Variants in COL24A1 observed in about 807,000 individuals in gnomAD.
The protein encoded by COL24A1 is collagen type XXIV alpha 1 chain, also known as collagen alpha-1(XXIV) chain.
Under a neutral mutation model 253.9 loss-of-function variants are expected in COL24A1, and 224 were observed. The ratio of observed to expected loss-of-function variants is 0.88; its 90% CI spans 0.79 to 0.99. The LOEUF is 0.99. Among genes scored for constraint, COL24A1 ranks in the 50% least tolerant of loss-of-function variants. COL24A1 has a pLI of 0.00. For synonymous variants in COL24A1, 685 were observed against 673.7 expected, an observed-to-expected ratio of 1.02 and a Z score of -0.26; for missense variants, 2,131 against 2,068.5, an observed-to-expected ratio of 1.03 and a Z score of -0.59.
chr1:85,730,776 A>G, intron 59 of COL24A1, 84 bp from the exon 60 acceptor site: 1 of 1,412,560 alleles, frequency 7.1e-7, no homozygotes, highest in African/African-American at 1.4e-5. Context: ...GATAATGTGA[A>G]CTTGTTTTAA....
chr1:86,033,812 G>A, intron 13 of COL24A1, 58 bp downstream of exon 13: 1 of 1,431,696 alleles, frequency 7.0e-7, no homozygotes, highest in Non-Finnish European at 9.7e-7. Flanking sequence ...TGTAAGTGCA[G>A]TGCTATGAAG....
rs11161746 is a variant in COL24A1, at chr1:86,125,265, A to G, written c.1071T>C (p.Ser357=). The change falls in exon 3 of 60, where the codon AGT becomes AGC. Residue 357 remains serine, a synonymous_variant. Transcript: ENST00000370571. ...FSLSVTTHRI[S]EAKMNTKEKF... is the part of the protein sequence containing the mutation. ...TCTCTTTGGTATTCATTTTTGCCTC[A>G]CTGATGCGATGAGTGGTCACTGACA... 0.15 allele frequency: 244,032 copies of G among 1,613,394 alleles called. 20,136 individuals carry two copies. The highest frequency in any genetic ancestry group is 0.24 in the South Asian group (21,717 of 91,054).
intron 38 of COL24A1, among the ~76,000 whole-genome samples, chr1:85,848,115 T>C (rs917747008): frequency 2.0e-5 from 3 of 152,184 alleles, no homozygotes; most frequent in Admixed American, 2.0e-4. Context: ...GGAAAGTCTG[T>C]TTCTATAGAG....
At position 86,026,006 on chromosome 1, in the gene COL24A1, T is replaced by C. The variant is rs183426069; in HGVS notation, c.2050-2999A>G. Among the ~76,000 whole-genome samples the C allele has an allele frequency of 3.6e-3, 545 of 152,324 alleles. 5 individuals are homozygous for C. The highest frequency in any genetic ancestry group is 0.012 in the African/African-American group (503 of 41,572). ...TACATTTAATCAATTATAGCAGTAA[T>C]CACAGTATATGACACTACTTATTTT... is the stretch of plus-strand genomic sequence containing the variant. On this transcript the variant is annotated intron_variant, in intron 14 of 59. Coordinates refer to ENST00000370571, the MANE Select transcript of COL24A1 (RefSeq NM_152890.7).
At chr1:86,156,190 C>T (rs535783248) in intron 1 of COL24A1, 151 bp downstream of exon 1, 2 of 629,036 alleles carry the variant, frequency 3.2e-6, no homozygotes, top group East Asian at 5.6e-5. Flanking sequence ...GCTGAGAAGA[C>T]AAGGGGAAGA....
intron 1 of COL24A1, 123 bp downstream of exon 1, chr1:86,156,218 C>A: frequency 1.3e-6 from 1 of 795,530 alleles, no homozygotes; most frequent in Non-Finnish European, 2.0e-6. Context: ...GGTACTCGGC[C>A]GCTCCTAAAG....
At chr1:85,828,049 C>G (rs1159022867) in intron 43 of COL24A1, among the ~76,000 whole-genome samples, 5 of 151,916 alleles carry the variant, frequency 3.3e-5, no homozygotes, top group Non-Finnish European at 7.4e-5. Flanking sequence ...GGTTTCTCTT[C>G]TGGGCATTTA....
At chr1:85,845,240 A>G (rs1036551143) in intron 39 of COL24A1, among the ~76,000 whole-genome samples, 12 of 151,900 alleles carry the variant, frequency 7.9e-5, no homozygotes, top group African/African-American at 2.7e-4. Context: ...GAATTTTCTT[A>G]TATTTACAAA....
intron 28 of COL24A1, among the ~76,000 whole-genome samples, chr1:85,903,103 T>G (rs904888216): frequency 3.9e-5 from 6 of 152,154 alleles, no homozygotes; most frequent in Non-Finnish European, 7.4e-5. Flanking sequence ...TACTTTTACT[T>G]TATTATTTCA....
intron 58 of COL24A1, chr1:85,736,345 G>A (rs751278756): frequency 3.7e-5 from 17 of 456,082 alleles, no homozygotes; most frequent in South Asian, 9.3e-5. Context: ...ACTAGAGTCC[G>A]CTTCCCCACT....
chr1:85,775,894 A>C (rs1668491863), intron 52 of COL24A1, among the ~76,000 whole-genome samples, 185 bp from the exon 53 acceptor site: 1 of 152,122 alleles, frequency 6.6e-6, no homozygotes, highest in South Asian at 2.1e-4. Flanking sequence ...CAAACAAAAA[A>C]CCCTTAGTGA....
At chr1:85,965,836 A>G (rs934839635) in intron 22 of COL24A1, among the ~76,000 whole-genome samples, 2 of 152,178 alleles carry the variant, frequency 1.3e-5, no homozygotes, top group African/African-American at 4.8e-5. Context: ...AGGAACCAGG[A>G]GAAGCTGAAG....
chr1:86,113,649 C>T (rs12565251), intron 4 of COL24A1, among the ~76,000 whole-genome samples: 4 of 151,464 alleles, frequency 2.6e-5, no homozygotes, highest in African/African-American at 7.3e-5. Flanking sequence ...GCCAGGGCAA[C>T]GCAGCAAGAC....
At chr1:85,875,228 G>T (rs372010756) in intron 34 of COL24A1, 49 bp downstream of exon 34, 16 of 1,497,462 alleles carry the variant, frequency 1.1e-5, no homozygotes, top group Admixed American at 5.0e-5. Flanking sequence ...AATGTAGGGG[G>T]TTCAATGGTG....
At chr1:85,873,260 C>A in intron 35 of COL24A1, among the ~76,000 whole-genome samples, 1 of 152,112 alleles carries the variant, frequency 6.6e-6, no homozygotes, top group Non-Finnish European at 1.5e-5. Context: ...CTAGTTCAAC[C>A]ATTGTGGAAG....
chr1:85,850,697 C>T (rs1244943506), intron 37 of COL24A1, among the ~76,000 whole-genome samples: 1 of 152,018 alleles, frequency 6.6e-6, no homozygotes, highest in African/African-American at 2.4e-5. Flanking sequence ...ACCTATACAG[C>T]CGTAGGTAGA....
chr1:85,897,331 T>G (rs1402202170), intron 28 of COL24A1, among the ~76,000 whole-genome samples: 2 of 151,824 alleles, frequency 1.3e-5, no homozygotes, highest in Non-Finnish European at 2.9e-5. Context: ...GGATGATCTG[T>G]GCAGCAAACC....
chr1:85,766,386 AAAAAGAAAG>A (rs1355211126), intron 53 of COL24A1, among the ~76,000 whole-genome samples: 1 of 93,878 alleles, frequency 1.1e-5, no homozygotes, highest in Non-Finnish European at 2.2e-5. Context: ...AAAAAAAAAA[AAAAAGAAAG>A]AAAGAAAGAA....
At chr1:85,957,101 A>G (rs1421741844) in intron 24 of COL24A1, among the ~76,000 whole-genome samples, 1 of 152,192 alleles carries the variant, frequency 6.6e-6, no homozygotes, top group Non-Finnish European at 1.5e-5. Flanking sequence ...CAGAAAACCA[A>G]ACACTGCATG....
Sources: gnomAD v4.1 joint callset for allele counts (sites outside exome capture counted in the v4.1 genomes callset) on GRCh38, gnomAD v4.1.1 for gene constraint, MANE v1.5 for transcripts, NCBI Gene and HGNC (gene_info 2026-07-23, HGNC 2026-07-21) for gene names.